The following CEMIP2 variants were observed in gnomAD, a reference collection of about 807,000 sequenced individuals.
CEMIP2 encodes the protein cell surface hyaluronidase CEMIP2.
Under a neutral mutation model 146.9 loss-of-function variants are expected in CEMIP2, and 79 were observed. The ratio of observed to expected loss-of-function variants is 0.54; its 90% CI spans 0.45 to 0.65. The LOEUF (loss-of-function observed/expected upper bound fraction) is 0.65, where lower values mean the gene tolerates loss of function less well. CEMIP2 is among the 30% of genes least tolerant of loss of function. CEMIP2 has a pLI of 0.00. For missense variants in CEMIP2, 1,596 were observed against 1,696.2 expected, an observed-to-expected ratio of 0.94 and a Z score of 1.04; for synonymous variants, 601 against 606.3, an observed-to-expected ratio of 0.99 and a Z score of 0.13.
chr9:71,750,183 G>A lies in CEMIP2; in HGVS notation c.191C>T (p.Pro64Leu). The change falls in exon 2 of 24, where the codon CCT becomes CTT. Residue 64 changes from proline to leucine, a missense_variant. Transcript: ENST00000377044. ...TTCTCTCTGGGCTTGCTGTTCTTCA[G>A]GTGAGAATGCGAAGGTTGCCCGGTC... The part of the protein sequence containing the change: ...REDRATFAFS[P>L]EEQQAQRESQ... 1 of 1,614,136 alleles carries A rather than the reference G, an allele frequency of 6.2e-7. No individual in the cohort carries two copies. Among genetic ancestry groups the A allele is most frequent in the Non-Finnish European group, 8.5e-7 (1 of 1,180,016 alleles).
intron 11 of CEMIP2, among the ~76,000 whole-genome samples, chr9:71,724,867 A>G (rs1330853266): frequency 6.6e-6 from 1 of 152,192 alleles, no homozygotes; most frequent in African/African-American, 2.4e-5. Context: ...GAAGGATATT[A>G]TTTAATGTGT....
intron 22 of CEMIP2, chr9:71,686,085 G>A (rs1317198786): frequency 2.3e-5 from 10 of 438,578 alleles, no homozygotes; most frequent in East Asian, 1.6e-4. Flanking sequence ...ATTTACGTAC[G>A]TTCACCTAGT....
chr9:71,691,892 G>A (rs1348234643), intron 21 of CEMIP2, among the ~76,000 whole-genome samples: 3 of 152,066 alleles, frequency 2.0e-5, no homozygotes, highest in Non-Finnish European at 4.4e-5. Context: ...GATCACCTGA[G>A]GTCAGGAGTT....
chr9:71,689,303 A>T (rs955509543), intron 22 of CEMIP2, among the ~76,000 whole-genome samples: 5 of 152,220 alleles, frequency 3.3e-5, no homozygotes, highest in African/African-American at 1.2e-4. Flanking sequence ...CTAAAGCTAG[A>T]TAGGCCTTTA....
intron 20 of CEMIP2, among the ~76,000 whole-genome samples, chr9:71,695,904 C>T (rs1822386082): frequency 6.6e-6 from 1 of 151,912 alleles, no homozygotes; most frequent in Admixed American, 6.6e-5. Flanking sequence ...TCGCTTGAGC[C>T]CAGGACTTTG....
intron 14 of CEMIP2, 80 bp from the exon 15 acceptor site, chr9:71,715,169 G>T: frequency 1.4e-6 from 2 of 1,400,396 alleles, no homozygotes; most frequent in East Asian, 2.9e-5. Flanking sequence ...TGCTATAACT[G>T]AAAAGCTAAA....
intron 21 of CEMIP2, among the ~76,000 whole-genome samples, chr9:71,692,365 A>ATCTCTC (rs10683725): frequency 0.21 from 19,206 of 90,206 alleles, 2,419 homozygotes; most frequent in African/African-American, 0.37. Context: ...TCTACCCCCC[A>ATCTCTC]TCTCTCTCTC....
At chr9:71,706,165 G>A (rs1371440344) in intron 17 of CEMIP2, among the ~76,000 whole-genome samples, 3 of 150,828 alleles carry the variant, frequency 2.0e-5, no homozygotes, top group Non-Finnish European at 2.9e-5. Flanking sequence ...GGAGGTGGAG[G>A]TTGCAGTGAG....
chr9:71,713,008 T>C (rs1052777973), intron 15 of CEMIP2, among the ~76,000 whole-genome samples: 4 of 152,220 alleles, frequency 2.6e-5, no homozygotes, highest in African/African-American at 9.6e-5. Flanking sequence ...AAAGCATATA[T>C]GCTAGCAAGA....
Position 71,745,583 on chromosome 9 carries a change from C to T in CEMIP2, c.473-4G>A. 1 of 1,588,524 alleles carries T rather than the reference C, an allele frequency of 6.3e-7. No homozygotes were observed. Among genetic ancestry groups the T allele is most frequent in the Non-Finnish European group, 8.5e-7 (1 of 1,169,694 alleles). On this transcript the variant is annotated splice_polypyrimidine_tract_variant and splice_region_variant and intron_variant, in intron 3 of 23. Transcript: ENST00000377044. ...TTGTCCCCAAATACAAGCAGTCCTG[C>T]AGGGAACACCACCCTGTAAGCCAAC...
intron 1 of CEMIP2, among the ~76,000 whole-genome samples, chr9:71,764,901 G>T (rs1165043138): frequency 1.3e-5 from 2 of 150,924 alleles, no homozygotes; most frequent in Non-Finnish European, 2.9e-5. Flanking sequence ...CAAAAAGGCA[G>T]ATGCATAGCT....
intron 22 of CEMIP2, 109 bp downstream of exon 22, chr9:71,689,983 C>A (rs1822177854): frequency 7.4e-7 from 1 of 1,350,386 alleles, no homozygotes; most frequent in South Asian, 1.3e-5. Context: ...TTGCATAGTG[C>A]CCTGAATGTC....
chr9:71,746,086 C>T lies in CEMIP2; in HGVS notation c.472+115G>A. The T allele has an allele frequency of 4.4e-6, 5 of 1,149,018 alleles. No homozygotes were observed. The South Asian group carries it at 8.0e-5, about 18-fold the overall frequency. 71.2% of individuals were successfully genotyped at this position (1,149,018 alleles called of 1,614,324 possible). The stretch of plus-strand genomic sequence containing the variant: ...TTCCAAATCTCCATGGTTAGAGTGA[C>T]ACCACAAACTAAAGCCTATTCTGCC... On this transcript the variant is annotated intron_variant, in intron 3 of 23. Coordinates refer to ENST00000377044, the MANE Select transcript of CEMIP2 (RefSeq NM_013390.3).
In CEMIP2 at chr9:71,735,013, A is replaced by G. The variant is rs1823723543; in HGVS notation, c.1205-19T>C. 6.4e-7 allele frequency: 1 copy of G among 1,560,946 alleles called. No homozygotes were observed. The highest frequency in any genetic ancestry group is 8.7e-7 in the Non-Finnish European group (1 of 1,155,852). On this transcript the variant is annotated intron_variant, in intron 5 of 23. Transcript: ENST00000377044. ...GAAACGCCTAAACCAAAAAAAAAAAAAAGAAAAAGAAAGTGATACATTAAC... is the reference window on the plus strand; with the variant it reads ...GAAACGCCTAAACCAAAAAAAAAAAGAAGAAAAAGAAAGTGATACATTAAC...
At chr9:71,741,193 T>C (rs1295497873) in intron 4 of CEMIP2, among the ~76,000 whole-genome samples, 3 of 118,798 alleles carry the variant, frequency 2.5e-5, no homozygotes, top group African/African-American at 8.9e-5. Context: ...AGATTTTTTT[T>C]TTTTTTTTTT....
At chr9:71,687,351 T>C (rs1174030964) in intron 22 of CEMIP2, 2 of 152,222 alleles carry the variant, frequency 1.3e-5, no homozygotes, top group Admixed American at 1.3e-4. Context: ...TCCATGAAAC[T>C]GGTCCATGAA....
In CEMIP2 at chr9:71,750,252, G is replaced by A. The variant is rs781607125; in HGVS notation, c.122C>T (p.Pro41Leu). Residue 41 changes from proline to leucine, a missense_variant, in exon 2 of 24, where the codon CCA becomes CTA. Coordinates refer to ENST00000377044, the MANE Select transcript of CEMIP2 (RefSeq NM_013390.3). Reference sequence around the variant, plus strand: ...AAATTTGGCTGAAGCTTGACTCTTTGGAGGAGGAGGGGGACGCAATGGGAC... The same window carrying A: ...AAATTTGGCTGAAGCTTGACTCTTTAGAGGAGGAGGGGGACGCAATGGGAC... ...KVVPLRPPPP[P>L]KSQASAKFTS... 2 of 1,614,096 alleles carry A rather than the reference G, an allele frequency of 1.2e-6. No homozygotes were observed. The highest frequency in any genetic ancestry group is 1.1e-5 in the South Asian group (1 of 91,086).
intron 19 of CEMIP2, chr9:71,699,420 C>G (rs186249145): frequency 1.3e-5 from 6 of 446,164 alleles, no homozygotes; most frequent in Admixed American, 1.2e-4. Flanking sequence ...AACTGCACTC[C>G]AGCCTGGGCA....
chr9:71,754,484 AT>A (rs555140921), intron 1 of CEMIP2, among the ~76,000 whole-genome samples: 5 of 151,968 alleles, frequency 3.3e-5, no homozygotes, highest in Admixed American at 2.0e-4. Context: ...ATCACATGTT[AT>A]TTTTTTTAAA....
Sources: gnomAD v4.1 joint callset for allele counts (sites outside exome capture counted in the v4.1 genomes callset) on GRCh38, gnomAD v4.1.1 for gene constraint, MANE v1.5 for transcripts, NCBI Gene and HGNC (gene_info 2026-07-23, HGNC 2026-07-21) for gene names.